Variants in RELN observed in about 807,000 individuals in gnomAD.
The protein encoded by RELN is reelin.
Under a neutral mutation model 427.6 loss-of-function variants are expected in RELN, and 108 were observed. The observed-to-expected ratio is 0.25, with a 90% confidence interval of 0.22 to 0.30. RELN has a LOEUF of 0.30. Ranked by LOEUF, RELN falls within the 10% of genes least tolerant of loss-of-function variation. RELN has a pLI of 1.00. For synonymous variants in RELN, 1,524 were observed against 1,513.4 expected (o/e 1.01, Z -0.16); for missense variants, 3,715 against 4,302.8 (o/e 0.86, Z 3.82).
intron 28 of RELN, among the ~76,000 whole-genome samples, chr7:103,586,350 G>A (rs1458405735): frequency 1.3e-5 from 2 of 151,928 alleles, no homozygotes; most frequent in East Asian, 3.9e-4. Context: ...GCGACAGAGT[G>A]AGACTCCATC....
At chr7:103,983,867 G>A (rs1486559729) in intron 1 of RELN, among the ~76,000 whole-genome samples, 1 of 27,030 alleles carries the variant, frequency 3.7e-5, no homozygotes. Context: ...ATATTTCTGT[G>A]TGTGTGTGTG....
chr7:103,872,884 G>A, intron 2 of RELN, among the ~76,000 whole-genome samples: 1 of 151,264 alleles, frequency 6.6e-6, no homozygotes, highest in African/African-American at 2.4e-5. Flanking sequence ...GTCTGTTCAT[G>A]TCCTTCGCCC....
chr7:103,617,508 ATGTG>A (rs955806817), intron 20 of RELN, among the ~76,000 whole-genome samples: 5 of 150,636 alleles, frequency 3.3e-5, no homozygotes, highest in Admixed American at 6.6e-5. Flanking sequence ...ATCTATATAT[ATGTG>A]TGTGTGTATA....
intron 2 of RELN, among the ~76,000 whole-genome samples, chr7:103,874,530 T>C (rs1311248567): frequency 6.9e-5 from 10 of 145,818 alleles, no homozygotes; most frequent in Admixed American, 6.2e-4. Flanking sequence ...AAAATCAATG[T>C]ACAAAAATCA....
chr7:103,533,267 C>G (rs974266021), intron 46 of RELN, among the ~76,000 whole-genome samples: 5 of 152,174 alleles, frequency 3.3e-5, no homozygotes, highest in Non-Finnish European at 5.9e-5. Context: ...TTCTTTATAG[C>G]GAAGAGCTAC....
rs373048527 is a variant in RELN, at chr7:103,624,698, C to T, written c.2702+5242G>A. ...CCGCCTCGGCCTCCCATTGGGATGA[C>T]AGGTGTGAGCCACCGTGCCTGGCCT... On this transcript the variant is annotated intron_variant, in intron 20 of 64. Transcript: ENST00000428762. Among the ~76,000 whole-genome samples the T allele has an allele frequency of 2.0e-5, 3 of 152,288 alleles. No individual in the cohort carries two copies. The East Asian group carries it at 5.8e-4, about 29-fold the overall frequency.
At chr7:103,728,070 A>G in intron 7 of RELN, 41 bp downstream of exon 7, 2 of 1,596,962 alleles carry the variant, frequency 1.3e-6, no homozygotes, top group Non-Finnish European at 1.7e-6. Flanking sequence ...AGCTCAGTAA[A>G]TACTATAATG....
rs142899517 is a variant in RELN at position 103,599,310 on chromosome 7, A to G, written c.3334-2649T>C. Among the ~76,000 whole-genome samples, 116 of 152,210 alleles carry G rather than the reference A, an allele frequency of 7.6e-4. No individual in the cohort carries two copies. In the South Asian group the frequency reaches 0.012, roughly 16 times the overall value. ...AATTATACCAGGCAGAACACCATGT[A>G]TTATAAAAACAAAAATGAAGGGATT... On this transcript the variant is annotated intron_variant, in intron 24 of 64. Coordinates refer to ENST00000428762, the MANE Select transcript of RELN (RefSeq NM_005045.4).
intron 2 of RELN, among the ~76,000 whole-genome samples, chr7:103,887,970 G>C (rs974623152): frequency 6.6e-6 from 1 of 152,064 alleles, no homozygotes; most frequent in Admixed American, 6.6e-5. Context: ...GAAAACCCTT[G>C]GTGACATGGA....
chr7:103,628,467 C>T (rs1832378306), intron 20 of RELN: 1 of 152,216 alleles, frequency 6.6e-6, no homozygotes, highest in Admixed American at 6.5e-5. Flanking sequence ...AAATTTCATT[C>T]TATCCAGTTT....
At position 103,677,458 on chromosome 7, in the gene RELN, GAAC is replaced by G. The variant is rs1448290113; in HGVS notation, c.1289+4655_1289+4657del. Among the ~76,000 whole-genome samples, 237 of 141,366 alleles carry G rather than the reference GAAC, an allele frequency of 1.7e-3. 2 individuals carry two copies. The highest frequency in any genetic ancestry group is 5.9e-3 in the African/African-American group (228 of 38,632). The allele number at this position is 141,366 out of a possible 152,430, so 92.7% of individuals were successfully genotyped here. On this transcript the variant is annotated intron_variant, in intron 11 of 64. Coordinates refer to ENST00000428762, the MANE Select transcript of RELN (RefSeq NM_005045.4). ...ATAATAATAATAATAATAATAAAAAGAACAACAACAGTTGTTCTTAGTGAGGGC... is the reference window on the plus strand; with the variant it reads ...ATAATAATAATAATAATAATAAAAAGAACAACAGTTGTTCTTAGTGAGGGC...
In RELN at chr7:103,664,362, C is replaced by T. The variant is rs548741765; in HGVS notation, c.1290-2835G>A. 3.3e-5 allele frequency among the ~76,000 whole-genome samples: 5 copies of T among 152,254 alleles called. No individual in the cohort carries two copies. In the East Asian group the frequency reaches 9.6e-4, roughly 29 times the overall value. On this transcript the variant is annotated intron_variant, in intron 11 of 64. Transcript: ENST00000428762. ...CTGTGAGAGAAATGAGTCCTAATGC[C>T]CCAAGGCACCCATTATATTAGTGAA...
At chr7:103,966,002 T>C (rs1235617784) in intron 1 of RELN, among the ~76,000 whole-genome samples, 1 of 152,204 alleles carries the variant, frequency 6.6e-6, no homozygotes, top group Non-Finnish European at 1.5e-5. Context: ...TATTGACAGA[T>C]TCTTAGAAAC....
chr7:103,542,928 T>A (rs1830205536), intron 42 of RELN, 50 bp from the exon 43 acceptor site: 1 of 1,574,826 alleles, frequency 6.3e-7, no homozygotes, highest in Admixed American at 1.7e-5. Context: ...CTATAGTGAG[T>A]TGTATTATAT....
chr7:103,754,152 A>C (rs1791073643), intron 4 of RELN, among the ~76,000 whole-genome samples: 1 of 152,108 alleles, frequency 6.6e-6, no homozygotes, highest in Non-Finnish European at 1.5e-5. Context: ...TGTAAAGTAC[A>C]TACTAGATTT....
intron 2 of RELN, among the ~76,000 whole-genome samples, chr7:103,860,153 A>T (rs1453903935): frequency 6.6e-6 from 1 of 152,184 alleles, no homozygotes; most frequent in African/African-American, 2.4e-5. Flanking sequence ...AGATGTTTCT[A>T]TCAATAGAAG....
At chr7:103,879,244 AT>A (rs936175633) in intron 2 of RELN, among the ~76,000 whole-genome samples, 1 of 152,156 alleles carries the variant, frequency 6.6e-6, no homozygotes, top group East Asian at 1.9e-4. Context: ...CTTTCAAAGT[AT>A]TTTTTAATAG....
intron 51 of RELN, among the ~76,000 whole-genome samples, chr7:103,504,778 G>A (rs1829150666): frequency 6.6e-6 from 1 of 152,160 alleles, no homozygotes; most frequent in Admixed American, 6.5e-5. Flanking sequence ...TTCGGTGCCT[G>A]GCTCAGTGAG....
rs56880205 is a variant in RELN at position 103,942,913 on chromosome 7, GA to G, written c.227-25729del. ...GGCGACAGAGCAAGACTCCATCTCAGAAAAAAAAAAAATTCTTAAAAGTGGT... is the reference window on the plus strand; with the variant it reads ...GGCGACAGAGCAAGACTCCATCTCAGAAAAAAAAAAATTCTTAAAAGTGGT... On this transcript the variant is annotated intron_variant, in intron 1 of 64. Coordinates refer to ENST00000428762, the MANE Select transcript of RELN (RefSeq NM_005045.4). Among the ~76,000 whole-genome samples, 11 of 148,108 alleles carry G rather than the reference GA, an allele frequency of 7.4e-5. No individual in the cohort carries two copies. In the South Asian group the frequency reaches 1.5e-3, roughly 20 times the overall value.
Sources: allele counts gnomAD v4.1 joint callset (sites outside exome capture counted in the v4.1 genomes callset), GRCh38; gene constraint gnomAD v4.1.1; transcripts MANE v1.5; gene names NCBI Gene and HGNC (gene_info 2026-07-23, HGNC 2026-07-21).